Variants in TAX1BP1 observed in about 807,000 individuals in gnomAD.
TAX1BP1 encodes Tax1 binding protein 1, also known as tax1-binding protein 1.
A neutral mutation model predicts 97.7 loss-of-function variants in TAX1BP1; 62 were observed. The ratio of observed to expected loss-of-function variants is 0.63; its 90% confidence interval spans 0.52 to 0.78. The LOEUF is 0.78. Among genes scored for constraint, TAX1BP1 ranks in the 30% least tolerant of loss-of-function variants. The pLI is 0.00. For synonymous variants in TAX1BP1, 340 were observed against 304.2 expected (o/e 1.12, Z -1.23); for missense variants, 867 against 916.1 (o/e 0.95, Z 0.69).
chr7:27,788,569 G>T (rs184102015), intron 8 of TAX1BP1, among the ~76,000 whole-genome samples: 148 of 152,090 alleles, frequency 9.7e-4, no homozygotes, highest in African/African-American at 3.5e-3. Flanking sequence ...GGACATTCCT[G>T]TCACCCTTCC....
chr7:27,788,668 C>G (rs1789583496), intron 8 of TAX1BP1, among the ~76,000 whole-genome samples: 1 of 151,866 alleles, frequency 6.6e-6, no homozygotes, highest in African/African-American at 2.4e-5. Flanking sequence ...CCAAATTGTT[C>G]TGAATTTAAC....
At chr7:27,745,733 G>C (rs1053978282) in intron 1 of TAX1BP1, among the ~76,000 whole-genome samples, 8 of 152,124 alleles carry the variant, frequency 5.3e-5, no homozygotes, top group Non-Finnish European at 1.0e-4. Context: ...AAATTCAGGG[G>C]AGGGTTTAAA....
intron 13 of TAX1BP1, among the ~76,000 whole-genome samples, chr7:27,810,559 A>G (rs961047604): frequency 2.6e-5 from 4 of 152,168 alleles, no homozygotes; most frequent in African/African-American, 7.2e-5. Context: ...CTTACCAAGG[A>G]CCATTTTTAC....
At chr7:27,742,614 T>TC (rs1247821365) in intron 1 of TAX1BP1, among the ~76,000 whole-genome samples, 1 of 152,152 alleles carries the variant, frequency 6.6e-6, no homozygotes, top group Non-Finnish European at 1.5e-5. Flanking sequence ...CTCTTGCTTT[T>TC]CCCCACACAT....
chr7:27,824,234 T>G (rs1000778779), intron 15 of TAX1BP1, among the ~76,000 whole-genome samples: 2 of 152,198 alleles, frequency 1.3e-5, no homozygotes, highest in Admixed American at 1.3e-4. Context: ...TAGTGTGATC[T>G]AACCCTAATT....
At chr7:27,802,662 A>T (rs191117480) in intron 13 of TAX1BP1, among the ~76,000 whole-genome samples, 16 of 152,332 alleles carry the variant, frequency 1.1e-4, no homozygotes, top group African/African-American at 3.8e-4. Context: ...GGCTTGGGAC[A>T]TTAACCATCA....
intron 15 of TAX1BP1, among the ~76,000 whole-genome samples, chr7:27,820,215 A>G (rs1790922110): frequency 6.6e-6 from 1 of 152,156 alleles, no homozygotes; most frequent in African/African-American, 2.4e-5. Context: ...TTCTACCTTC[A>G]TTCCTTTCTC....
At chr7:27,743,785 T>A (rs1787711455) in intron 1 of TAX1BP1, among the ~76,000 whole-genome samples, 1 of 1,060 alleles carries the variant, frequency 9.4e-4, no homozygotes. Context: ...TTTTTTTTTT[T>A]TTTTTTTTTT....
Position 27,784,894 on chromosome 7 carries a change from G to A in TAX1BP1, c.613-269G>A, listed in dbSNP as rs563256161. 9.5e-4 allele frequency among the ~76,000 whole-genome samples: 145 copies of A among 151,946 alleles called. 1 individual carries two copies. The highest frequency in any genetic ancestry group is 1.5e-3 in the South Asian group (7 of 4,814). Reference sequence around the variant, plus strand: ...ACTACCTGGGAGGCTGAGGTGGGAGGATCACCTGAGCTGTGATTGTGCCAC... The same window carrying A: ...ACTACCTGGGAGGCTGAGGTGGGAGAATCACCTGAGCTGTGATTGTGCCAC... On this transcript the variant is annotated intron_variant, in intron 5 of 16. Coordinates refer to ENST00000396319, the MANE Select transcript of TAX1BP1 (RefSeq NM_006024.7).
At chr7:27,758,897 G>T (rs183272410) in intron 3 of TAX1BP1, among the ~76,000 whole-genome samples, 48 of 152,084 alleles carry the variant, frequency 3.2e-4, no homozygotes, top group Admixed American at 2.9e-3. Context: ...GGTGGTGGTT[G>T]CACAACAATA....
chr7:27,746,901 T>A (rs977331908), intron 1 of TAX1BP1, among the ~76,000 whole-genome samples: 7 of 152,224 alleles, frequency 4.6e-5, no homozygotes, highest in Non-Finnish European at 7.3e-5. Context: ...TGATATTTTT[T>A]AAAGTGCTTA....
intron 2 of TAX1BP1, among the ~76,000 whole-genome samples, chr7:27,757,486 A>G (rs1009973513): frequency 1.3e-5 from 2 of 152,130 alleles, no homozygotes; most frequent in African/African-American, 4.8e-5. Flanking sequence ...AAAACAAATA[A>G]AACACTTACA....
intron 8 of TAX1BP1, among the ~76,000 whole-genome samples, chr7:27,791,032 ATT>A (rs1789685372): frequency 6.6e-6 from 1 of 152,096 alleles, no homozygotes; most frequent in Non-Finnish European, 1.5e-5. Flanking sequence ...TAGAAAAGTT[ATT>A]TATATCAAGT....
chr7:27,757,435 T>G (rs900723833), intron 2 of TAX1BP1, among the ~76,000 whole-genome samples: 3 of 152,064 alleles, frequency 2.0e-5, no homozygotes, highest in African/African-American at 7.2e-5. Flanking sequence ...GATGAGAGAT[T>G]AGTGAATTTA....
intron 5 of TAX1BP1, among the ~76,000 whole-genome samples, chr7:27,777,821 T>C (rs1316967581): frequency 6.6e-6 from 1 of 152,220 alleles, no homozygotes; most frequent in Non-Finnish European, 1.5e-5. Context: ...AGAGGTGACC[T>C]CTGTTGTTTC....
intron 5 of TAX1BP1, chr7:27,772,027 C>G (rs1333024441): frequency 6.6e-6 from 1 of 151,910 alleles, no homozygotes; most frequent in Non-Finnish European, 1.5e-5. Flanking sequence ...ATAATGGATA[C>G]ATAATGTAAC....
At chr7:27,800,232 A>C in intron 13 of TAX1BP1, 142 bp downstream of exon 13, 1 of 810,506 alleles carries the variant, frequency 1.2e-6, no homozygotes, top group Non-Finnish European at 1.8e-6. Context: ...CTATATATTT[A>C]GTTACATAAA....
In TAX1BP1 at chr7:27,829,426, T is replaced by G. The variant is rs992607405; in HGVS notation, c.*597T>G. On this transcript the variant is annotated 3_prime_UTR_variant, in exon 17 of 17. Transcript: ENST00000396319. ...AACAGAAGGCATACTTTGCTAATTTTATGGCAAAATTTTAGAATAACCTGA... is the reference window on the plus strand; with the variant it reads ...AACAGAAGGCATACTTTGCTAATTTGATGGCAAAATTTTAGAATAACCTGA... 6.6e-6 allele frequency: 1 copy of G among 152,236 alleles called. No homozygotes were observed. Among genetic ancestry groups the G allele is most frequent in the Admixed American group, 6.5e-5 (1 of 15,288 alleles). The allele number at this position is 152,236 out of a possible 1,614,324, so 9.4% of individuals were successfully genotyped here. A position where few individuals can be genotyped will look rare whatever the true frequency, so the allele number is the denominator to read the frequency against.
At chr7:27,753,419 G>A (rs1788095452) in intron 2 of TAX1BP1, among the ~76,000 whole-genome samples, 1 of 152,214 alleles carries the variant, frequency 6.6e-6, no homozygotes, top group Non-Finnish European at 1.5e-5. Flanking sequence ...TTGTGTTTAT[G>A]AATTTGATTT....
Sources: allele counts gnomAD v4.1 joint callset (sites outside exome capture counted in the v4.1 genomes callset), GRCh38; gene constraint gnomAD v4.1.1; transcripts MANE v1.5; gene names NCBI Gene and HGNC (gene_info 2026-07-23, HGNC 2026-07-21).